The following ZNRF1 variants were observed in gnomAD, a reference collection of about 807,000 sequenced individuals.
ZNRF1 encodes zinc and ring finger 1.
Under a neutral mutation model 18.4 loss-of-function variants are expected in ZNRF1, and 3 were observed. The ratio of observed to expected loss-of-function variants is 0.16; its 90% CI spans 0.07 to 0.42. The LOEUF (loss-of-function observed/expected upper bound fraction) is 0.42, where lower values mean the gene tolerates loss of function less well. Ranked by LOEUF, ZNRF1 falls within the 10% of genes least tolerant of loss-of-function variation. ZNRF1 has a pLI of 0.99. For missense variants in ZNRF1, 310 were observed against 329.8 expected, an observed-to-expected ratio of 0.94 and a Z score of 0.47; for synonymous variants, 157 against 144.2, an observed-to-expected ratio of 1.09 and a Z score of -0.64.
At position 75,096,101 on chromosome 16, in the gene ZNRF1, T is replaced by TAA. The variant is rs1567494311; in HGVS notation, c.520+2436_520+2437dup. Among the ~76,000 whole-genome samples, 357 of 149,690 alleles carry TAA rather than the reference T, an allele frequency of 2.4e-3. 1 individual carries two copies. The highest frequency in any genetic ancestry group is 8.0e-3 in the African/African-American group (320 of 40,194). On this transcript the variant is annotated intron_variant, in intron 2 of 4. Coordinates refer to ENST00000335325, the MANE Select transcript of ZNRF1 (RefSeq NM_032268.5). ...GTGTGTGTGTGTGTGTGTGTGTGTG[T>TAA]AAACTAGAGGCTTTACACCTAAGGC...
intron 1 of ZNRF1, among the ~76,000 whole-genome samples, chr16:75,020,064 A>G (rs939222816): frequency 1.3e-5 from 2 of 152,162 alleles, no homozygotes; most frequent in Admixed American, 6.5e-5. Flanking sequence ...TTTTTTTTTA[A>G]TGACTGAATT....
At chr16:75,043,195 C>G (rs2145364343) in intron 1 of ZNRF1, among the ~76,000 whole-genome samples, 1 of 152,318 alleles carries the variant, frequency 6.6e-6, no homozygotes, top group South Asian at 2.1e-4. Context: ...AGCAGCCTGG[C>G]CAAGTCTGGT....
chr16:75,095,267 A>C, intron 2 of ZNRF1: 1 of 176,750 alleles, frequency 5.7e-6, no homozygotes, highest in Non-Finnish European at 1.2e-5. Flanking sequence ...TGGTCTGGGA[A>C]GCCCCTTTCC....
At chr16:75,088,919 G>A (rs766810853) in intron 1 of ZNRF1, among the ~76,000 whole-genome samples, 6 of 152,148 alleles carry the variant, frequency 3.9e-5, no homozygotes, top group South Asian at 2.1e-4. Context: ...AGTGCCAGTC[G>A]TAGTGCACAG....
At chr16:75,032,937 A>G (rs1441513491) in intron 1 of ZNRF1, among the ~76,000 whole-genome samples, 2 of 152,138 alleles carry the variant, frequency 1.3e-5, no homozygotes, top group Non-Finnish European at 2.9e-5. Context: ...CACTTGAGCC[A>G]AGGTGTTCAA....
Position 75,050,390 on chromosome 16 carries a change from G to T in ZNRF1, c.425-43182G>T, listed in dbSNP as rs551054006. 1.2e-4 allele frequency among the ~76,000 whole-genome samples: 18 copies of T among 152,128 alleles called. No individual in the cohort carries two copies. The East Asian group carries it at 2.9e-3, about 25-fold the overall frequency. Reference sequence around the variant, plus strand: ...AAAATACAAAAATTAGCTGGGCGTGGTGGTGCACACCTGTAGTCCCAGCTA... The same window carrying T: ...AAAATACAAAAATTAGCTGGGCGTGTTGGTGCACACCTGTAGTCCCAGCTA... On this transcript the variant is annotated intron_variant, in intron 1 of 4. Coordinates refer to ENST00000335325, the MANE Select transcript of ZNRF1 (RefSeq NM_032268.5).
chr16:75,033,683 T>G (rs1361242613), intron 1 of ZNRF1, among the ~76,000 whole-genome samples: 3 of 152,132 alleles, frequency 2.0e-5, no homozygotes, highest in Admixed American at 2.0e-4. Context: ...GTGATCTGTT[T>G]CCCTCGGCCT....
intron 1 of ZNRF1, among the ~76,000 whole-genome samples, chr16:75,053,152 A>C (rs755894947): frequency 6.6e-6 from 1 of 152,302 alleles, no homozygotes; most frequent in African/African-American, 2.4e-5. Flanking sequence ...CTCACTTCCC[A>C]CCCCACATAA....
intron 1 of ZNRF1, among the ~76,000 whole-genome samples, chr16:75,050,899 C>CAA (rs796834732): frequency 1.2e-4 from 5 of 41,114 alleles, no homozygotes; most frequent in Non-Finnish European, 1.5e-4. Context: ...CAAAAAAAAA[C>CAA]AAAAAACTTG....
At chr16:75,100,381 C>G (rs371178762) in intron 2 of ZNRF1, among the ~76,000 whole-genome samples, 3 of 147,956 alleles carry the variant, frequency 2.0e-5, no homozygotes, top group African/African-American at 7.6e-5. Flanking sequence ...GCCCTCGCGC[C>G]CCCTTCCCCT....
chr16:75,055,105 A>G (rs1486012375), intron 1 of ZNRF1, among the ~76,000 whole-genome samples: 3 of 152,124 alleles, frequency 2.0e-5, no homozygotes, highest in Admixed American at 6.5e-5. Flanking sequence ...TCCTCTCCCA[A>G]CAAGCAGGGC....
intron 1 of ZNRF1, among the ~76,000 whole-genome samples, chr16:75,050,004 C>G (rs970370562): frequency 1.1e-4 from 16 of 152,146 alleles, no homozygotes; most frequent in Non-Finnish European, 4.4e-5. Flanking sequence ...CCTCCCCATC[C>G]CTAATACCAG....
chr16:75,046,242 G>T (rs2145367460), intron 1 of ZNRF1, among the ~76,000 whole-genome samples: 1 of 150,500 alleles, frequency 6.6e-6, no homozygotes, highest in East Asian at 2.0e-4. Flanking sequence ...AATGAGTTGG[G>T]TGTTTCATTT....
intron 1 of ZNRF1, among the ~76,000 whole-genome samples, chr16:75,022,015 C>G (rs1240974196): frequency 6.6e-6 from 1 of 152,166 alleles, no homozygotes; most frequent in Non-Finnish European, 1.5e-5. Flanking sequence ...TCTTTATATG[C>G]TTTACTATGG....
chr16:75,025,713 G>C (rs2035213600), intron 1 of ZNRF1, among the ~76,000 whole-genome samples: 1 of 152,314 alleles, frequency 6.6e-6, no homozygotes, highest in Non-Finnish European at 1.5e-5. Flanking sequence ...CCAGCCCTCT[G>C]TTCTGAAGAA....
chr16:75,004,329 T>C (rs1213476122), intron 1 of ZNRF1, among the ~76,000 whole-genome samples: 3 of 152,214 alleles, frequency 2.0e-5, no homozygotes, highest in Non-Finnish European at 4.4e-5. Flanking sequence ...TCCTGATGGC[T>C]GCCTCGGTGC....
chr16:75,023,299 C>T (rs1333461025), intron 1 of ZNRF1, among the ~76,000 whole-genome samples: 2 of 152,142 alleles, frequency 1.3e-5, no homozygotes, highest in African/African-American at 4.8e-5. Context: ...GATACCTTCC[C>T]CTACCTTACC....
At chr16:75,032,262 A>G (rs551330525) in intron 1 of ZNRF1, among the ~76,000 whole-genome samples, 1 of 151,790 alleles carries the variant, frequency 6.6e-6, no homozygotes, top group East Asian at 1.9e-4. Flanking sequence ...GGCACCTGCC[A>G]TCCTGCCTGG....
intron 1 of ZNRF1, among the ~76,000 whole-genome samples, chr16:75,086,761 G>C (rs1432549635): frequency 2.0e-5 from 3 of 152,156 alleles, no homozygotes; most frequent in Non-Finnish European, 4.4e-5. Flanking sequence ...CAAAGTCAAG[G>C]GGCACGCGCT....
Sources: allele counts gnomAD v4.1 joint callset (sites outside exome capture counted in the v4.1 genomes callset), GRCh38; gene constraint gnomAD v4.1.1; transcripts MANE v1.5; gene names NCBI Gene and HGNC (gene_info 2026-07-23, HGNC 2026-07-21).